Variants in GPRC5A observed in about 807,000 individuals in gnomAD.
GPRC5A encodes the protein G protein-coupled receptor class C group 5 member A.
Under a neutral mutation model 22.5 loss-of-function variants are expected in GPRC5A, and 19 were observed. That is an observed-to-expected ratio of 0.85 (90% CI 0.59 to 1.24). GPRC5A has a LOEUF of 1.24. Ranked by LOEUF, GPRC5A falls within the 50% of genes most tolerant of loss-of-function variation. The pLI is 0.00. For missense variants in GPRC5A, 471 were observed against 451.1 expected (o/e 1.04, Z -0.40); for synonymous variants, 192 against 184.5 (o/e 1.04, Z -0.33).
intron 1 of GPRC5A, among the ~76,000 whole-genome samples, chr12:12,897,824 G>T (rs1383917469): frequency 6.6e-6 from 1 of 151,958 alleles, no homozygotes; most frequent in African/African-American, 2.4e-5. Context: ...GGCCAGGCTG[G>T]TCTCTTAACG....
chr12:12,901,636 G>A (rs1324784174), intron 1 of GPRC5A, among the ~76,000 whole-genome samples: 1 of 152,076 alleles, frequency 6.6e-6, no homozygotes, highest in African/African-American at 2.4e-5. Context: ...CGCCTGCACA[G>A]AGCCTTTGAG....
At chr12:12,906,334 G>C (rs915969831) in intron 1 of GPRC5A, among the ~76,000 whole-genome samples, 2 of 152,218 alleles carry the variant, frequency 1.3e-5, no homozygotes, top group African/African-American at 4.8e-5. Flanking sequence ...ACTTTGGGAG[G>C]GCAAGGCAAG....
intron 1 of GPRC5A, among the ~76,000 whole-genome samples, chr12:12,900,488 A>G (rs1863870017): frequency 6.6e-6 from 1 of 152,194 alleles, no homozygotes; most frequent in South Asian, 2.1e-4. Context: ...GGGAGGAGGA[A>G]CAGAGGGCTT....
Position 12,917,879 on chromosome 12 carries a change from T to A in GPRC5A, c.*5340T>A, listed in dbSNP as rs1263351812. On this transcript the variant is annotated 3_prime_UTR_variant, in exon 4 of 4. Coordinates refer to ENST00000014914, the MANE Select transcript of GPRC5A (RefSeq NM_003979.4). ...TTCACATCATTTCAGTTTTTAGCCC[T>A]CATGACTGTATTTTCTAATCAGAGA... 2.0e-5 allele frequency: 3 copies of A among 152,192 alleles called. No individual in the cohort carries two copies. The highest frequency in any genetic ancestry group is 7.2e-5 in the African/African-American group (3 of 41,436). The allele number at this position is 152,192 out of a possible 1,614,324, so 9.4% of individuals were successfully genotyped here.
At position 12,908,389 on chromosome 12, in the gene GPRC5A, T is replaced by G. The variant is rs1366707012; in HGVS notation, c.140T>G (p.Leu47Arg). The G allele has an allele frequency of 6.2e-7, 1 of 1,614,146 alleles. No homozygotes were observed. Among genetic ancestry groups the G allele is most frequent in the South Asian group, 1.1e-5 (1 of 91,066 alleles). The change falls in exon 2 of 4, where the codon CTC becomes CGC. Residue 47 changes from leucine (L) to arginine (R), a missense_variant. Coordinates refer to ENST00000014914, the MANE Select transcript of GPRC5A (RefSeq NM_003979.4). ...AGVVTSVAFM[L>R]TLPILVCKVQ... is the part of the protein sequence containing the mutation. ...GTTGTGACCTCGGTGGCCTTCATGC[T>G]CACTCTCCCGATCCTCGTCTGCAAG...
In GPRC5A at chr12:12,915,987, C is replaced by A. The variant is rs1864060858; in HGVS notation, c.*3448C>A. The A allele has an allele frequency of 2.4e-6, 1 of 409,402 alleles. No homozygotes were observed. The highest frequency in any genetic ancestry group is 1.8e-5 in the South Asian group (1 of 56,078). 25.4% of individuals were successfully genotyped at this position (409,402 alleles called of 1,614,324 possible). ...TGTTAACTCATCTTCAGGTCTCACA[C>A]CTTCTGCACATAAATAAGCTATTTT... On this transcript the variant is annotated 3_prime_UTR_variant, in exon 4 of 4. Transcript: ENST00000014914.
At chr12:12,893,744 G>T (rs866032049) in intron 1 of GPRC5A, among the ~76,000 whole-genome samples, 47 of 151,952 alleles carry the variant, frequency 3.1e-4, no homozygotes, top group African/African-American at 1.1e-3. Flanking sequence ...TTTTTGTTTT[G>T]TTTTGTTTTG....
intron 2 of GPRC5A, 120 bp downstream of exon 2, chr12:12,909,291 T>G: frequency 1.4e-6 from 1 of 719,892 alleles, no homozygotes; most frequent in Non-Finnish European, 2.2e-6. Flanking sequence ...ATAGAATAGA[T>G]AAGTTCCTTA....
At position 12,916,345 on chromosome 12, in the gene GPRC5A, T is replaced by G. The variant is rs1864063780; in HGVS notation, c.*3806T>G. On this transcript the variant is annotated 3_prime_UTR_variant, in exon 4 of 4. Transcript: ENST00000014914. ...ATTGTGAGATGCGAAATAGAGCGTG[T>G]CTCTCTGCCTCTCATTTTAGGCTGA... 1 of 152,306 alleles carries G rather than the reference T, an allele frequency of 6.6e-6. No homozygotes were observed. Among genetic ancestry groups the G allele is most frequent in the African/African-American group, 2.4e-5 (1 of 41,464 alleles). 9.4% of individuals were successfully genotyped at this position (152,306 alleles called of 1,614,324 possible). A position where few individuals can be genotyped will look rare whatever the true frequency, so the allele number is the denominator to read the frequency against.
intron 1 of GPRC5A, among the ~76,000 whole-genome samples, chr12:12,904,130 G>A (rs1240075793): frequency 6.6e-6 from 1 of 152,100 alleles, no homozygotes; most frequent in African/African-American, 2.4e-5. Context: ...CACAGGGCCT[G>A]AGTTCCTTCC....
chr12:12,911,546 T>A (rs1442405636), intron 2 of GPRC5A, among the ~76,000 whole-genome samples: 1 of 151,362 alleles, frequency 6.6e-6, no homozygotes, highest in East Asian at 2.0e-4. Flanking sequence ...TGGAGTGCAG[T>A]GGTGCGATCT....
chr12:12,892,392 A>C (rs1863769379), intron 1 of GPRC5A, among the ~76,000 whole-genome samples: 1 of 151,982 alleles, frequency 6.6e-6, no homozygotes, highest in African/African-American at 2.4e-5. Context: ...TTTGAGATGG[A>C]GTTTCACTCT....
In GPRC5A at chr12:12,916,896, ACTGGACTGTGCCCAG is replaced by A. The variant is rs1333225988; in HGVS notation, c.*4361_*4375del. ...TTCATTTCTGTCATTACTGCTGAGA[ACTGGACTGTGCCCAG>A]CTGACCTTTCCCTTCCTTGCCCTCA... On this transcript the variant is annotated 3_prime_UTR_variant, in exon 4 of 4. Coordinates refer to ENST00000014914, the MANE Select transcript of GPRC5A (RefSeq NM_003979.4). The A allele has an allele frequency of 2.6e-5, 4 of 152,144 alleles. No homozygotes were observed. The highest frequency in any genetic ancestry group is 5.9e-5 in the Non-Finnish European group (4 of 68,082). 9.4% of individuals were successfully genotyped at this position (152,144 alleles called of 1,614,324 possible).
intron 1 of GPRC5A, among the ~76,000 whole-genome samples, chr12:12,897,296 T>C (rs1324375132): frequency 6.7e-6 from 1 of 148,872 alleles, no homozygotes; most frequent in African/African-American, 2.5e-5. Flanking sequence ...AAACTCATGA[T>C]AGAGGTTAAA....
At position 12,912,860 on chromosome 12, in the gene GPRC5A, C is replaced by T. The variant is rs1592353176; in HGVS notation, c.*321C>T. ...TTTTTGAAACAGGATCTTGCTCTGT[C>T]ACCCAGGCTTGAGTGCAGTGGTGCG... is the stretch of plus-strand genomic sequence containing the variant. On this transcript the variant is annotated 3_prime_UTR_variant, in exon 4 of 4. Transcript: ENST00000014914. 1 of 269,518 alleles carries T rather than the reference C, an allele frequency of 3.7e-6. No individual in the cohort carries two copies. The highest frequency in any genetic ancestry group is 7.8e-5 in the East Asian group (1 of 12,804). 16.7% of individuals were successfully genotyped at this position (269,518 alleles called of 1,614,324 possible). A position where few individuals can be genotyped will look rare whatever the true frequency, so the allele number is the denominator to read the frequency against.
At position 12,900,635 on chromosome 12, in the gene GPRC5A, C is replaced by T. The variant is rs533430768; in HGVS notation, c.-7-7608C>T. 2.5e-4 allele frequency among the ~76,000 whole-genome samples: 38 copies of T among 152,186 alleles called. 2 individuals are homozygous for T. In the South Asian group the frequency reaches 7.5e-3, roughly 30 times the overall value. The stretch of plus-strand genomic sequence containing the variant: ...TTTTGGGGCCGGGCACAGTGGCTCA[C>T]GCCTGTAATCCCAGCACTTTGGGAG... On this transcript the variant is annotated intron_variant, in intron 1 of 3. Transcript: ENST00000014914.
chr12:12,901,213 C>T (rs1863883435), intron 1 of GPRC5A, among the ~76,000 whole-genome samples: 1 of 152,140 alleles, frequency 6.6e-6, no homozygotes, highest in Admixed American at 6.6e-5. Context: ...TCACTGAGTA[C>T]TGGGTGGAGC....
chr12:12,909,145 C>G lies in GPRC5A; in HGVS notation c.896C>G (p.Ala299Gly). ...AAGAGCTATGGTGTGGAGAACAGAG[C>G]CTACTCTCAAGAGGAAATCACTCAA... is the stretch of plus-strand genomic sequence containing the variant. Reference protein sequence around the residue: ...VKKSYGVENRAYSQEEITQGF... With the variant: ...VKKSYGVENRGYSQEEITQGF... The change falls in exon 2 of 4, where the codon GCC (alanine) becomes GGC (glycine). Residue 299 changes from alanine (A) to glycine (G), a missense_variant. By Grantham distance (60) the Ala-to-Gly change is moderately conservative (BLOSUM62 0). Coordinates refer to ENST00000014914, the MANE Select transcript of GPRC5A (RefSeq NM_003979.4). The G allele has an allele frequency of 6.3e-7, 1 of 1,593,736 alleles. No individual in the cohort carries two copies. Among genetic ancestry groups the G allele is most frequent in the Non-Finnish European group, 8.5e-7 (1 of 1,176,088 alleles).
chr12:12,912,378 C>A, intron 3 of GPRC5A, 69 bp from the exon 4 acceptor site: 1 of 1,056,922 alleles, frequency 9.5e-7, no homozygotes, highest in Non-Finnish European at 1.5e-6. Flanking sequence ...AGACTTCTGC[C>A]CAGACTGGAG....
Sources: allele counts gnomAD v4.1 joint callset (sites outside exome capture counted in the v4.1 genomes callset), GRCh38; gene constraint gnomAD v4.1.1; transcripts MANE v1.5; gene names NCBI Gene and HGNC (gene_info 2026-07-23, HGNC 2026-07-21).